The following TNN variants were observed in gnomAD, a reference collection of about 807,000 sequenced individuals.
TNN encodes tenascin-N.
In TNN, 122 loss-of-function variants were observed where a neutral mutation model predicts 134.4. The ratio of observed to expected loss-of-function variants is 0.91; its 90% confidence interval spans 0.78 to 1.06. TNN has a LOEUF of 1.06. TNN is among the 50% of genes least tolerant of loss of function. TNN has a pLI of 0.00. For missense variants in TNN, 1,739 were observed against 1,699.4 expected, an observed-to-expected ratio of 1.02 and a Z score of -0.41; for synonymous variants, 710 against 670.3, an observed-to-expected ratio of 1.06 and a Z score of -0.91.
At chr1:175,114,385 A>C (rs1437922738) in intron 9 of TNN, among the ~76,000 whole-genome samples, 1 of 152,212 alleles carries the variant, frequency 6.6e-6, no homozygotes, top group Non-Finnish European at 1.5e-5. Context: ...GTGGCAGTAT[A>C]GGTTGTTAAT....
At chr1:175,087,630 A>C (rs1674348782) in intron 6 of TNN, among the ~76,000 whole-genome samples, 2 of 152,194 alleles carry the variant, frequency 1.3e-5, no homozygotes, top group Admixed American at 1.3e-4. Flanking sequence ...CACCTCTGGA[A>C]GTGATTTTTC....
chr1:175,110,309 T>C (rs748382380), intron 9 of TNN, among the ~76,000 whole-genome samples: 3 of 152,248 alleles, frequency 2.0e-5, no homozygotes, highest in Non-Finnish European at 2.9e-5. Flanking sequence ...GTTTCTCCCA[T>C]TATGTAGGTT....
rs528394334 is a variant in TNN at position 175,072,743 on chromosome 1, G to A, written c.-35-4641G>A. Among the ~76,000 whole-genome samples, 20 of 152,114 alleles carry A rather than the reference G, an allele frequency of 1.3e-4. No homozygotes were observed. In the East Asian group the frequency reaches 1.7e-3, roughly 13 times the overall value. On this transcript the variant is annotated intron_variant, in intron 1 of 18. Transcript: ENST00000239462. ...TCAACCTACCCAGGAAAATCTGAGC[G>A]CAACTTGTGGAATCTGAGAGGCAGT...
Position 175,079,473 on chromosome 1 carries a change from G to A in TNN, c.550G>A (p.Gly184Arg), listed in dbSNP as rs1383759845. ...CAGCGGCCACGGGCGTTGCGTGGAC[G>A]GGCGCTGCCTGTGCCATGAGCCCTA... Reference protein sequence around the residue: ...ACSGHGRCVDGRCLCHEPYVG... With the variant: ...ACSGHGRCVDRRCLCHEPYVG... Residue 184 changes from glycine to arginine, a missense_variant, in exon 3 of 19, where the codon GGG becomes AGG. Transcript: ENST00000239462. The A allele has an allele frequency of 3.8e-6, 6 of 1,563,384 alleles. No individual in the cohort carries two copies. The highest frequency in any genetic ancestry group is 1.2e-5 in the South Asian group (1 of 86,364).
At position 175,093,853 on chromosome 1, in the gene TNN, C is replaced by T. The variant is rs1003812220; in HGVS notation, c.1325-137C>T. On this transcript the variant is annotated intron_variant, in intron 6 of 18. Transcript: ENST00000239462. Reference sequence around the variant, plus strand: ...GCAGAAGCCAGTTGTCCACTTGTCACTGATGATGGAGAGACCCCCTTGTAT... The same window carrying T: ...GCAGAAGCCAGTTGTCCACTTGTCATTGATGATGGAGAGACCCCCTTGTAT... The T allele has an allele frequency of 3.2e-5, 26 of 823,072 alleles. No homozygotes were observed. In the African/African-American group the frequency reaches 4.5e-4, roughly 14 times the overall value. 51.0% of individuals were successfully genotyped at this position (823,072 alleles called of 1,614,324 possible).
rs370099118 is a variant in TNN at position 175,094,271 on chromosome 1, G to A, written c.1588+18G>A. 2.6e-6 allele frequency: 4 copies of A among 1,539,352 alleles called. No homozygotes were observed. The East Asian group carries it at 7.0e-5, about 27-fold the overall frequency. On this transcript the variant is annotated intron_variant, in intron 7 of 18. Transcript: ENST00000239462. ...CCTCACAGGTAACAGAAGGACGGGA[G>A]CATAAATAGGTTTCCTCATGGCAGG...
chr1:175,131,174 G>A (rs1230887467), intron 15 of TNN, among the ~76,000 whole-genome samples: 2 of 152,204 alleles, frequency 1.3e-5, no homozygotes, highest in Non-Finnish European at 2.9e-5. Flanking sequence ...CTGAAGAATA[G>A]GCCAGAAGAA....
At chr1:175,124,543 T>C (rs2101840988) in intron 12 of TNN, among the ~76,000 whole-genome samples, 1 of 152,150 alleles carries the variant, frequency 6.6e-6, no homozygotes, top group African/African-American at 2.4e-5. Flanking sequence ...TAGCTGGGTG[T>C]GGTGGCAGGT....
chr1:175,068,453 A>AG (rs1372772430), intron 1 of TNN, among the ~76,000 whole-genome samples: 1 of 152,200 alleles, frequency 6.6e-6, no homozygotes, highest in Non-Finnish European at 1.5e-5. Context: ...GAATCAGTTA[A>AG]GGGGATGTTT....
chr1:175,101,816 G>T (rs1019906572), intron 9 of TNN, among the ~76,000 whole-genome samples: 1 of 150,820 alleles, frequency 6.6e-6, no homozygotes, highest in African/African-American at 2.4e-5. Context: ...GGCCCCACCA[G>T]AGCAGCTAGA....
chr1:175,133,627 A>G (rs1487155437), intron 15 of TNN, among the ~76,000 whole-genome samples: 1 of 152,136 alleles, frequency 6.6e-6, no homozygotes, highest in Non-Finnish European at 1.5e-5. Context: ...GATGTCCTCA[A>G]GGCTTGATTC....
intron 9 of TNN, among the ~76,000 whole-genome samples, chr1:175,112,821 C>T (rs1022273616): frequency 6.6e-6 from 1 of 151,444 alleles, no homozygotes; most frequent in South Asian, 2.1e-4. Flanking sequence ...AGGGTTTCAC[C>T]ATGTTGGCTA....
intron 1 of TNN, among the ~76,000 whole-genome samples, chr1:175,075,379 C>T (rs767937492): frequency 6.6e-6 from 1 of 152,130 alleles, no homozygotes; most frequent in Non-Finnish European, 1.5e-5. Context: ...CTCACTGCAG[C>T]CTCCGCCTCC....
rs116027291 is a variant in TNN, at chr1:175,103,615, T to C, written c.2119+5020T>C. Among the ~76,000 whole-genome samples the C allele has an allele frequency of 2.8e-4, 41 of 145,592 alleles. 3 individuals carry two copies. Among genetic ancestry groups the C allele is most frequent in the African/African-American group, 9.7e-4 (39 of 40,330 alleles). On this transcript the variant is annotated intron_variant, in intron 9 of 18. Coordinates refer to ENST00000239462, the MANE Select transcript of TNN (RefSeq NM_022093.2). Reference sequence around the variant, plus strand: ...TCTCTCTCTTTCTCTCTTCGACTTCTTCTTTGTCTTTTCCTTTCTTCTTAA... The same window carrying C: ...TCTCTCTCTTTCTCTCTTCGACTTCCTCTTTGTCTTTTCCTTTCTTCTTAA...
At chr1:175,124,283 G>T (rs1381037612) in intron 12 of TNN, among the ~76,000 whole-genome samples, 1 of 152,082 alleles carries the variant, frequency 6.6e-6, no homozygotes, top group African/African-American at 2.4e-5. Context: ...TTTCTCTATG[G>T]TTTTTATTAG....
At chr1:175,120,075 A>G (rs1675309684) in intron 11 of TNN, among the ~76,000 whole-genome samples, 2 of 152,250 alleles carry the variant, frequency 1.3e-5, no homozygotes, top group Non-Finnish European at 2.9e-5. Flanking sequence ...GCTATTTTGT[A>G]TAGGTTTGAC....
At position 175,147,432 on chromosome 1, in the gene TNN, T is replaced by C. The variant is rs553735681; in HGVS notation, c.*361T>C. 5.6e-6 allele frequency: 1 copy of C among 177,166 alleles called. No individual in the cohort carries two copies. Among genetic ancestry groups the C allele is most frequent in the Admixed American group, 6.2e-5 (1 of 16,060 alleles). The allele number at this position is 177,166 out of a possible 1,614,324, so 11.0% of individuals were successfully genotyped here. ...TACATCTATGTATTTAAAGTTCTGC[T>C]AATGCAAATCTTTTCTCTGGAAAGA... On this transcript the variant is annotated 3_prime_UTR_variant, in exon 19 of 19. Coordinates refer to ENST00000239462, the MANE Select transcript of TNN (RefSeq NM_022093.2).
In TNN at chr1:175,106,033, G is replaced by A. The variant is rs546108833; in HGVS notation, c.2119+7438G>A. On this transcript the variant is annotated intron_variant, in intron 9 of 18. Coordinates refer to ENST00000239462, the MANE Select transcript of TNN (RefSeq NM_022093.2). ...TTCCTCCCAGACCACATGGAGGACC[G>A]AGGAAGGTCGGATTTAGTGGTCCTT... Among the ~76,000 whole-genome samples, 46 of 145,818 alleles carry A rather than the reference G, an allele frequency of 3.2e-4. 4 individuals carry two copies. The highest frequency in any genetic ancestry group is 1.1e-3 in the African/African-American group (44 of 40,610).
chr1:175,130,546 A>G (rs2101846553), intron 15 of TNN, among the ~76,000 whole-genome samples: 2 of 152,240 alleles, frequency 1.3e-5, no homozygotes, highest in Middle Eastern at 6.8e-3. Context: ...TTGTGCCTGT[A>G]ATTGACTTTT....
Sources: allele counts gnomAD v4.1 joint callset (sites outside exome capture counted in the v4.1 genomes callset), GRCh38; gene constraint gnomAD v4.1.1; transcripts MANE v1.5; gene names NCBI Gene and HGNC (gene_info 2026-07-23, HGNC 2026-07-21).